The following PPP2R2D variants were observed in gnomAD, a reference collection of about 807,000 sequenced individuals.
PPP2R2D encodes the protein serine/threonine-protein phosphatase 2A 55 kDa regulatory subunit B delta isoform.
In PPP2R2D, 9 loss-of-function variants were observed where a neutral mutation model predicts 31.1. That is an observed-to-expected ratio of 0.29 (90% CI 0.17 to 0.51). The LOEUF is 0.51. Ranked by LOEUF, PPP2R2D falls within the 20% of genes least tolerant of loss-of-function variation. The probability of loss-of-function intolerance (pLI) is 0.98; values close to 1 mark genes in which losing one functional copy is unlikely to be tolerated. For missense variants in PPP2R2D, 391 were observed against 465.6 expected, an observed-to-expected ratio of 0.84 and a Z score of 1.48; for synonymous variants, 179 against 172.6, an observed-to-expected ratio of 1.04 and a Z score of -0.29.
At chr10:131,905,444 A>G (rs1044993910) in intron 2 of PPP2R2D, among the ~76,000 whole-genome samples, 3 of 152,126 alleles carry the variant, frequency 2.0e-5, no homozygotes, top group African/African-American at 7.2e-5. Context: ...TGTGTTTTGC[A>G]ATGTCACATG....
At chr10:131,966,310 A>G in the PPP2R2D span, 1 of 152,376 alleles carries the variant, frequency 6.6e-6, no homozygotes, top group East Asian at 1.9e-4. Context: ...TGTTAATTTT[A>G]TAAACTTAAT....
Position 131,958,689 on chromosome 10 carries a change from C to T in PPP2R2D, c.*2726C>T, listed in dbSNP as rs1339126672. 1.6e-5 allele frequency: 4 copies of T among 249,464 alleles called. No individual in the cohort carries two copies. Among genetic ancestry groups the T allele is most frequent in the South Asian group, 1.5e-4 (4 of 25,832 alleles). 15.5% of individuals were successfully genotyped at this position (249,464 alleles called of 1,614,324 possible). A position where few individuals can be genotyped will look rare whatever the true frequency, so the allele number is the denominator to read the frequency against. On this transcript the variant is annotated 3_prime_UTR_variant, in exon 9 of 9. Coordinates refer to ENST00000455566, the MANE Select transcript of PPP2R2D (RefSeq NM_018461.5). ...ATGAAGATGTGTGCTGATCCCCCGT[C>T]CTCCTGTGGAGATGAAGGTGTGTGC...
chr10:131,910,615 C>T (rs996332968), intron 2 of PPP2R2D, among the ~76,000 whole-genome samples: 1 of 152,202 alleles, frequency 6.6e-6, no homozygotes, highest in African/African-American at 2.4e-5. Context: ...AAAAAAAGGG[C>T]TAGTTCAGCT....
At chr10:131,968,825 T>G in the PPP2R2D span, 1 of 355,304 alleles carries the variant, frequency 2.8e-6, no homozygotes, top group South Asian at 3.2e-5. Flanking sequence ...CGAATGCTGT[T>G]TCCACACAGA....
chr10:131,937,620 G>A (rs1039078473), intron 3 of PPP2R2D, among the ~76,000 whole-genome samples: 1 of 152,222 alleles, frequency 6.6e-6, no homozygotes, highest in African/African-American at 2.4e-5. Flanking sequence ...CAAGCCTGCA[G>A]CCTAGGGACC....
chr10:131,918,663 G>A (rs1293835408), intron 2 of PPP2R2D, among the ~76,000 whole-genome samples: 15 of 149,526 alleles, frequency 1.0e-4, no homozygotes, highest in African/African-American at 2.7e-4. Flanking sequence ...GACCTCAGGC[G>A]GGTAGGATGA....
At chr10:131,911,306 G>A (rs2035678907) in intron 2 of PPP2R2D, among the ~76,000 whole-genome samples, 1 of 152,176 alleles carries the variant, frequency 6.6e-6, no homozygotes, top group African/African-American at 2.4e-5. Flanking sequence ...CCACACCTCT[G>A]GTGTCCTAAG....
chr10:131,965,035 A>G, the PPP2R2D span, among the ~76,000 whole-genome samples: 56 of 152,268 alleles, frequency 3.7e-4, no homozygotes, highest in Middle Eastern at 6.8e-3. Context: ...CTTTTTTCAC[A>G]TAAAGTATAC....
chr10:131,934,269 G>T (rs1264040809), intron 2 of PPP2R2D, among the ~76,000 whole-genome samples, 189 bp from the exon 3 acceptor site: 1 of 152,136 alleles, frequency 6.6e-6, no homozygotes, highest in Admixed American at 6.5e-5. Flanking sequence ...ACCTGTGCCG[G>T]CAGGTTCTCT....
At chr10:131,940,856 G>T (rs765222550) in intron 5 of PPP2R2D, 162 bp downstream of exon 5, 25 of 530,844 alleles carry the variant, frequency 4.7e-5, no homozygotes, top group Admixed American at 3.9e-4. Context: ...GTGTTTAAAA[G>T]CAAGGTCTTT....
At chr10:131,910,777 G>T (rs2035669058) in intron 2 of PPP2R2D, among the ~76,000 whole-genome samples, 1 of 152,178 alleles carries the variant, frequency 6.6e-6, no homozygotes, top group Non-Finnish European at 1.5e-5. Context: ...GAAAGACCTA[G>T]GCAGGATTAG....
At chr10:131,903,670 C>G (rs2035537649) in intron 2 of PPP2R2D, among the ~76,000 whole-genome samples, 1 of 152,084 alleles carries the variant, frequency 6.6e-6, no homozygotes, top group African/African-American at 2.4e-5. Flanking sequence ...TCTGTGTATT[C>G]AGAGCTGTCT....
At chr10:131,911,618 C>T (rs919534100) in intron 2 of PPP2R2D, 5 of 152,264 alleles carry the variant, frequency 3.3e-5, no homozygotes, top group African/African-American at 9.6e-5. Context: ...CCGCCAGCAG[C>T]TCCACCTGCC....
At position 131,904,465 on chromosome 10, in the gene PPP2R2D, G is replaced by A. The variant is rs908608889; in HGVS notation, c.100+3135G>A. 6.6e-5 allele frequency among the ~76,000 whole-genome samples: 10 copies of A among 152,120 alleles called. No individual in the cohort carries two copies. The East Asian group carries it at 1.4e-3, about 21-fold the overall frequency. ...GCAGAGCTTGCAGTGAGCCGAGATC[G>A]TGCCACTGCACTCCAGCCTGGGCGA... On this transcript the variant is annotated intron_variant, in intron 2 of 8. Coordinates refer to ENST00000455566, the MANE Select transcript of PPP2R2D (RefSeq NM_018461.5).
chr10:131,923,013 T>C (rs1414307968), intron 2 of PPP2R2D, among the ~76,000 whole-genome samples: 4 of 152,350 alleles, frequency 2.6e-5, no homozygotes, highest in African/African-American at 9.6e-5. Context: ...GCTTTTGAGC[T>C]GTAATTCATT....
At chr10:131,962,076 C>G (rs1310357947), downstream of PPP2R2D, among the ~76,000 whole-genome samples, 3 of 152,162 alleles carry the variant, frequency 2.0e-5, no homozygotes, top group Admixed American at 1.3e-4. Context: ...CTGGCCTGTA[C>G]GATGATTTTG....
Position 131,947,212 on chromosome 10 carries a change from G to A in PPP2R2D, c.821-318G>A, listed in dbSNP as rs767169158. Among the ~76,000 whole-genome samples the A allele has an allele frequency of 2.0e-5, 3 of 152,200 alleles. No homozygotes were observed. Among genetic ancestry groups the A allele is most frequent in the African/African-American group, 7.2e-5 (3 of 41,446 alleles). On this transcript the variant is annotated intron_variant, in intron 7 of 8. Coordinates refer to ENST00000455566, the MANE Select transcript of PPP2R2D (RefSeq NM_018461.5). This position sits in a 1 kb window ranked among gnomAD's most constrained non-coding sequence, Gnocchi z 4.3. ...ACCTGGGCACACATCAGGATGCCCC[G>A]AGGAGCTCCCACAGATGGCAGTGCC...
chr10:131,945,393 A>G lies in PPP2R2D; in HGVS notation c.754A>G (p.Ser252Gly). 1 of 1,614,240 alleles carries G rather than the reference A, an allele frequency of 6.2e-7. No homozygotes were observed. Among genetic ancestry groups the G allele is most frequent in the Non-Finnish European group, 8.5e-7 (1 of 1,180,038 alleles). ...CCAGTGCAACGTGTTCGTCTACAGC[A>G]GTAGCAAAGGGACCATCCGCCTGTG... ...PHQCNVFVYS[S>G]SKGTIRLCDM... Residue 252 changes from serine (S) to glycine (G), a missense_variant, in exon 7 of 9, where the codon AGT becomes GGT. Around this residue, in one of 3 missense-constraint regions of PPP2R2D, gnomAD observed 123 missense variants for 187.7 expected, o/e 0.66. Coordinates refer to ENST00000455566, the MANE Select transcript of PPP2R2D (RefSeq NM_018461.5). The surrounding 1 kb of genome is among the most constrained non-coding windows in gnomAD (Gnocchi z 4.8).
At chr10:131,943,009 G>A (rs527492962) in intron 5 of PPP2R2D, among the ~76,000 whole-genome samples, 1 of 152,138 alleles carries the variant, frequency 6.6e-6, no homozygotes, top group Admixed American at 6.5e-5. Flanking sequence ...TTTCCCCTAA[G>A]CTTTCAAGGC....
Sources: allele counts gnomAD v4.1 joint callset (sites outside exome capture counted in the v4.1 genomes callset), GRCh38; gene constraint gnomAD v4.1.1; regional missense constraint gnomAD v4.1.1; non-coding constraint Gnocchi (gnomAD v3.1); transcripts MANE v1.5; gene names NCBI Gene and HGNC (gene_info 2026-07-23, HGNC 2026-07-21).